Variants in AGPS observed in about 807,000 individuals in gnomAD.
AGPS encodes the protein alkylglycerone phosphate synthase.
Under a neutral mutation model 90.7 loss-of-function variants are expected in AGPS, and 26 were observed. The observed-to-expected ratio is 0.29, with a 90% CI of 0.21 to 0.40. AGPS has a LOEUF of 0.40. Ranked by LOEUF, AGPS falls within the 10% of genes least tolerant of loss-of-function variation. The probability of loss-of-function intolerance (pLI) is 1.00; values close to 1 mark genes in which losing one functional copy is unlikely to be tolerated. For synonymous variants in AGPS, 294 were observed against 285.3 expected (o/e 1.03, Z -0.31); for missense variants, 540 against 816.1 (o/e 0.66, Z 4.12).
In AGPS at chr2:177,392,870, G is replaced by C; in HGVS notation, c.81G>C (p.Arg27=). The change falls in exon 1 of 20, where the codon CGG becomes CGC. Residue 27 remains arginine, a synonymous_variant. Transcript: ENST00000264167. ...ACGGGTCTGCAGCGGACCGGGACCGGGACCCGGACCCGGACCGCGCCGGGC... is the reference window on the plus strand; with the variant it reads ...ACGGGTCTGCAGCGGACCGGGACCGCGACCCGGACCCGGACCGCGCCGGGC... ...ASYGSAADRD[R]DPDPDRAGRR... is the part of the protein sequence containing the mutation. The C allele has an allele frequency of 6.4e-7, 1 of 1,550,592 alleles. No individual in the cohort carries two copies. Among genetic ancestry groups the C allele is most frequent in the Non-Finnish European group, 8.7e-7 (1 of 1,149,512 alleles).
Position 177,420,340 on chromosome 2 carries a change from T to C in AGPS, c.332T>C (p.Ile111Thr). ...SKFIFNKKGQ[I>T]ELTGKRYPLS... ...TTCATCTTCAATAAGAAGGGCCAAA[T>C]TGAATTGACTGGGAAAAGGTAACCC... The change falls in exon 2 of 20, where the codon ATT (isoleucine) becomes ACT (threonine). Residue 111 changes from isoleucine (I) to threonine (T), a missense_variant. Transcript: ENST00000264167. The C allele has an allele frequency of 6.2e-7, 1 of 1,607,876 alleles. No homozygotes were observed. Among genetic ancestry groups the C allele is most frequent in the South Asian group, 1.1e-5 (1 of 90,918 alleles).
In AGPS at chr2:177,507,973, T is replaced by G; in HGVS notation, c.1549T>G (p.Leu517Val). 2 of 1,612,146 alleles carry G rather than the reference T, an allele frequency of 1.2e-6. No individual in the cohort carries two copies. Among genetic ancestry groups the G allele is most frequent in the Non-Finnish European group, 1.7e-6 (2 of 1,178,230 alleles). Residue 517 changes from leucine to valine, a missense_variant, in exon 16 of 20, where the codon TTG (leucine) becomes GTG (valine). Physicochemically the swap from Leu to Val is conservative, Grantham distance 32. This residue lies in a region of AGPS where 405 missense variants were observed against 692.1 expected (regional missense o/e 0.59). Coordinates refer to ENST00000264167, the MANE Select transcript of AGPS (RefSeq NM_003659.4). ...TTTTCTGTTTGTGTCTTAATAGGAC[T>G]TGGCTTTGGAATACTATGTATTAGG... ...LTYVIAYIRD[L>V]ALEYYVLGES... is the part of the protein sequence containing the mutation.
In AGPS at chr2:177,393,017, C is replaced by T. The variant is rs1375681821; in HGVS notation, c.228C>T (p.Ala76=). The T allele has an allele frequency of 6.5e-7, 1 of 1,550,336 alleles. No individual in the cohort carries two copies. The highest frequency in any genetic ancestry group is 8.7e-7 in the Non-Finnish European group (1 of 1,146,796). The change falls in exon 1 of 20, where the codon GCC becomes GCT. Residue 76 remains alanine (A), a synonymous_variant. Coordinates refer to ENST00000264167, the MANE Select transcript of AGPS (RefSeq NM_003659.4). ...CGGCAGCGCCCACGGCCACTCCCGC[C>T]GCGCAGGAGTCGGGCACCATCCCAA... ...AATAAPTATP[A]AQESGTIPKK...
In AGPS at chr2:177,499,674, T is replaced by C. The variant is rs1688503450; in HGVS notation, c.1419T>C (p.Asp473=). 2 of 1,612,322 alleles carry C rather than the reference T, an allele frequency of 1.2e-6. No individual in the cohort carries two copies. The highest frequency in any genetic ancestry group is 1.7e-6 in the Non-Finnish European group (2 of 1,178,904). ...LSVATLLFEG[D]REKVLQHEKQ... is the part of the protein sequence containing the mutation. ...TAGCCACATTACTGTTTGAGGGGGA[T>C]CGTGAGAAGGTTCTTCAACATGAAA... Residue 473 remains aspartate, a synonymous_variant, in exon 14 of 20, where the codon GAT becomes GAC. Transcript: ENST00000264167.
chr2:177,513,841 G>A lies in AGPS; in HGVS notation c.1630G>A (p.Val544Ile). ...TAGGGTGGTAGATCTCTGTAGAAAT[G>A]TAAAAGAAAGAATAACAAGGGAATG... ...WDRVVDLCRNVKERITRECKE... is the reference protein window; with the variant it reads ...WDRVVDLCRNIKERITRECKE... Residue 544 changes from valine (V) to isoleucine (I), a missense_variant, in exon 17 of 20, where the codon GTA becomes ATA. Physicochemically the swap from Val to Ile is conservative, Grantham distance 29. Around this residue, in one of 2 missense-constraint regions of AGPS, gnomAD observed 405 missense variants for 692.1 expected, o/e 0.59. Transcript: ENST00000264167. 12 of 1,612,950 alleles carry A rather than the reference G, an allele frequency of 7.4e-6. No individual in the cohort carries two copies. The highest frequency in any genetic ancestry group is 1.0e-5 in the Non-Finnish European group (12 of 1,179,196).
chr2:177,406,845 A>T (rs571031664), intron 1 of AGPS, among the ~76,000 whole-genome samples: 7 of 152,326 alleles, frequency 4.6e-5, no homozygotes, highest in African/African-American at 1.4e-4. Context: ...GCTGCTTATT[A>T]GATGGGAAAA....
At position 177,407,354 on chromosome 2, in the gene AGPS, T is replaced by A. The variant is rs556815665; in HGVS notation, c.261-12915T>A. Among the ~76,000 whole-genome samples the A allele has an allele frequency of 6.0e-4, 92 of 152,334 alleles. No individual in the cohort carries two copies. The Middle Eastern group carries it at 0.01, about 17-fold the overall frequency. On this transcript the variant is annotated intron_variant, in intron 1 of 19. Transcript: ENST00000264167. ...CTATAAAGAAATACCCGAGACTGGA[T>A]AATTTATAAAGAGGTTTAATTAATT... is the stretch of plus-strand genomic sequence containing the variant.
intron 8 of AGPS, among the ~76,000 whole-genome samples, chr2:177,451,230 A>C (rs943454909): frequency 2.0e-5 from 3 of 152,020 alleles, no homozygotes; most frequent in African/African-American, 2.4e-5. Flanking sequence ...TGTTGGGATT[A>C]TCGGTATGAG....
chr2:177,396,575 A>G (rs1468085178), intron 1 of AGPS, among the ~76,000 whole-genome samples: 1 of 152,202 alleles, frequency 6.6e-6, no homozygotes, highest in Non-Finnish European at 1.5e-5. Flanking sequence ...AGTGTTAAGA[A>G]TGGATTGGAG....
intron 5 of AGPS, among the ~76,000 whole-genome samples, chr2:177,439,308 T>C (rs1013912901): frequency 1.3e-5 from 2 of 152,096 alleles, no homozygotes; most frequent in Non-Finnish European, 2.9e-5. Flanking sequence ...TAGTGTTAAG[T>C]GCTGTAAAGA....
chr2:177,455,559 G>A (rs1484865967), intron 8 of AGPS, among the ~76,000 whole-genome samples: 1 of 151,940 alleles, frequency 6.6e-6, no homozygotes, highest in Non-Finnish European at 1.5e-5. Context: ...CTCCTAAAGT[G>A]TTAGGATTAC....
chr2:177,393,851 A>G lies in AGPS; in HGVS notation c.260+802A>G, dbSNP rs541643344. Among the ~76,000 whole-genome samples, 4 of 151,862 alleles carry G rather than the reference A, an allele frequency of 2.6e-5. No individual in the cohort carries two copies. In the South Asian group the frequency reaches 8.3e-4, roughly 32 times the overall value. On this transcript the variant is annotated intron_variant, in intron 1 of 19. Coordinates refer to ENST00000264167, the MANE Select transcript of AGPS (RefSeq NM_003659.4). The stretch of plus-strand genomic sequence containing the variant: ...CTGATGAAGGCTATTAGGAGAAGCT[A>G]CTTTCTGACGTGTGGCTTTGTCACC...
intron 19 of AGPS, among the ~76,000 whole-genome samples, chr2:177,531,738 T>A (rs902874429): frequency 6.6e-6 from 1 of 152,294 alleles, no homozygotes; most frequent in African/African-American, 2.4e-5. Flanking sequence ...TCTACCTTAT[T>A]TCAAGACTTA....
intron 2 of AGPS, among the ~76,000 whole-genome samples, chr2:177,425,398 A>C (rs2105615082): frequency 6.6e-6 from 1 of 152,186 alleles, no homozygotes; most frequent in South Asian, 2.1e-4. Flanking sequence ...AGGCGGGTGG[A>C]TCACCTGAGG....
chr2:177,471,848 A>C (rs1464604115), intron 10 of AGPS, among the ~76,000 whole-genome samples: 2 of 152,206 alleles, frequency 1.3e-5, no homozygotes, highest in East Asian at 3.8e-4. Flanking sequence ...TTTCTTTAAA[A>C]TGCTATTTCC....
chr2:177,409,507 G>A (rs986779811), intron 1 of AGPS, among the ~76,000 whole-genome samples: 10 of 151,940 alleles, frequency 6.6e-5, no homozygotes, highest in African/African-American at 2.4e-4. Context: ...GGTGGGTGCG[G>A]TCACCTTCCC....
intron 10 of AGPS, among the ~76,000 whole-genome samples, chr2:177,475,395 C>T (rs906107392): frequency 1.3e-5 from 2 of 152,120 alleles, no homozygotes; most frequent in African/African-American, 4.8e-5. Context: ...CCTCTTCTGA[C>T]AAAGTTTTGG....
chr2:177,465,194 T>A (rs1463630885), intron 9 of AGPS, among the ~76,000 whole-genome samples: 1 of 152,080 alleles, frequency 6.6e-6, no homozygotes, highest in Non-Finnish European at 1.5e-5. Context: ...CTCAGGAGGC[T>A]GGAGTGGGAT....
At chr2:177,492,320 A>G (rs1688286903) in intron 11 of AGPS, among the ~76,000 whole-genome samples, 1 of 152,208 alleles carries the variant, frequency 6.6e-6, no homozygotes, top group African/African-American at 2.4e-5. Flanking sequence ...TATTCTACTT[A>G]TGAAGAAAAG....
Sources: allele counts gnomAD v4.1 joint callset (sites outside exome capture counted in the v4.1 genomes callset), GRCh38; gene constraint gnomAD v4.1.1; regional missense constraint gnomAD v4.1.1; transcripts MANE v1.5; gene names NCBI Gene and HGNC (gene_info 2026-07-23, HGNC 2026-07-21).